TLN2: variants seen among roughly 807,000 people sequenced by gnomAD.
TLN2 encodes talin-2.
In TLN2, 118 loss-of-function variants were observed where a neutral mutation model predicts 294.7. The ratio of observed to expected loss-of-function variants is 0.40; its 90% CI spans 0.34 to 0.47. TLN2 has a LOEUF of 0.47. Among genes scored for constraint, TLN2 ranks in the 20% least tolerant of loss-of-function variants. The pLI is 0.84. For missense variants in TLN2, 3,083 were observed against 3,282.2 expected, an observed-to-expected ratio of 0.94 and a Z score of 1.48; for synonymous variants, 1,431 against 1,304.5, an observed-to-expected ratio of 1.10 and a Z score of -2.09.
intron 40 of TLN2, among the ~76,000 whole-genome samples, chr15:62,764,959 G>A (rs568292860): frequency 3.8e-4 from 50 of 132,018 alleles, no homozygotes; most frequent in African/African-American, 1.3e-3. Context: ...ACAACAGAGC[G>A]AGACTCCATC....
chr15:62,719,374 A>G (rs1274991265), intron 24 of TLN2, among the ~76,000 whole-genome samples: 2 of 152,114 alleles, frequency 1.3e-5, no homozygotes, highest in Admixed American at 6.5e-5. Flanking sequence ...TATTTCCCTC[A>G]CCTTCTGAAC....
Position 62,622,464 on chromosome 15 carries a change from A to T in TLN2, c.-37+3989A>T, listed in dbSNP as rs569733363. On this transcript the variant is annotated intron_variant, in intron 3 of 58. Transcript: ENST00000636159. ...AGTCCATTCTGTAGGGTGGAAACTG[A>T]TGTGTGATCTGTCCTGTTATGTATT... 4.5e-4 allele frequency among the ~76,000 whole-genome samples: 69 copies of T among 152,274 alleles called. 1 individual carries two copies. The South Asian group carries it at 7.9e-3, about 17-fold the overall frequency.
intron 9 of TLN2, among the ~76,000 whole-genome samples, chr15:62,672,256 C>G (rs2055521503): frequency 6.6e-6 from 1 of 152,124 alleles, no homozygotes; most frequent in African/African-American, 2.4e-5. Flanking sequence ...ATACTTGTTT[C>G]TTTCTCCTCA....
chr15:62,553,825 T>C (rs149989578), intron 1 of TLN2, among the ~76,000 whole-genome samples: 10 of 152,320 alleles, frequency 6.6e-5, no homozygotes, highest in Admixed American at 3.3e-4. Context: ...AAAATACTTA[T>C]TAAAATGCTT....
At chr15:62,694,219 C>T (rs1363911790) in intron 13 of TLN2, 97 bp from the exon 14 acceptor site, 28 of 1,041,152 alleles carry the variant, frequency 2.7e-5, no homozygotes, top group Non-Finnish European at 3.5e-5. Flanking sequence ...TCAAGTGATC[C>T]GCCCGTCTCA....
In TLN2 at chr15:62,697,679, T is replaced by A; in HGVS notation, c.1293-9T>A. 6.3e-7 allele frequency: 1 copy of A among 1,589,976 alleles called. No individual in the cohort carries two copies. Among genetic ancestry groups the A allele is most frequent in the Non-Finnish European group, 8.6e-7 (1 of 1,163,164 alleles). On this transcript the variant is annotated splice_polypyrimidine_tract_variant and intron_variant, in intron 14 of 58. Coordinates refer to ENST00000636159, the MANE Select transcript of TLN2 (RefSeq NM_015059.3). ...GTTCTCTCAGTGACCAAACCACTTT[T>A]CCCGGCAGGTCCACCATCTTGCAGC...
chr15:62,657,734 G>A (rs748564985), intron 8 of TLN2, 37 bp from the exon 9 acceptor site: 50 of 1,603,320 alleles, frequency 3.1e-5, no homozygotes, highest in African/African-American at 3.0e-4. Context: ...GTCACTCCCC[G>A]AAGCCTCTGA....
At chr15:62,537,891 C>T (rs753046744) in intron 1 of TLN2, among the ~76,000 whole-genome samples, 20 of 152,192 alleles carry the variant, frequency 1.3e-4, no homozygotes, top group Admixed American at 3.3e-4. Context: ...CCCATTCCCT[C>T]ATTCTGCCAC....
chr15:62,687,876 T>C (rs2057422129), intron 12 of TLN2: 1 of 152,222 alleles, frequency 6.6e-6, no homozygotes, highest in Non-Finnish European at 1.5e-5. Flanking sequence ...AAGATGAATG[T>C]TCATACTTAG....
intron 9 of TLN2, among the ~76,000 whole-genome samples, chr15:62,671,146 T>C (rs2055362335): frequency 6.6e-6 from 1 of 152,238 alleles, no homozygotes; most frequent in Admixed American, 6.5e-5. Context: ...CTTTTCATTA[T>C]CAGTTAAAGG....
At chr15:62,433,344 C>A (rs187711286) in intron 1 of TLN2, among the ~76,000 whole-genome samples, 3 of 152,220 alleles carry the variant, frequency 2.0e-5, no homozygotes. Context: ...TCCCTCTGGA[C>A]TAATCGATTC....
At chr15:62,814,698 A>T (rs914710634) in intron 52 of TLN2, among the ~76,000 whole-genome samples, 1 of 152,248 alleles carries the variant, frequency 6.6e-6, no homozygotes, top group African/African-American at 2.4e-5. Context: ...TATCATAAAC[A>T]TATAAAAAAT....
chr15:62,662,827 T>TTTG (rs1388382585), intron 9 of TLN2, among the ~76,000 whole-genome samples: 2 of 142,276 alleles, frequency 1.4e-5, no homozygotes, highest in Admixed American at 1.4e-4. Context: ...AGAGAGTTTT[T>TTTG]TTTTTTTTTT....
Position 62,697,560 on chromosome 15 carries a change from C to G in TLN2, c.1293-128C>G, listed in dbSNP as rs143424948. On this transcript the variant is annotated intron_variant, in intron 14 of 58. Transcript: ENST00000636159. ...CACTTCTTCATTCCTGCTTCTCAGT[C>G]TGTATGTGCCTCTTTTAGTTGGCCT... 377 of 959,842 alleles carry G rather than the reference C, an allele frequency of 3.9e-4. 1 individual carries two copies. In the East Asian group the frequency reaches 4.6e-3, roughly 12 times the overall value. The allele number at this position is 959,842 out of a possible 1,614,324, so 59.5% of individuals were successfully genotyped here.
chr15:62,463,222 AG>A (rs763105164), intron 1 of TLN2, among the ~76,000 whole-genome samples: 2 of 152,218 alleles, frequency 1.3e-5, no homozygotes, highest in Admixed American at 6.5e-5. Context: ...GCAAGGCTAC[AG>A]CCACCCACTG....
intron 32 of TLN2, among the ~76,000 whole-genome samples, chr15:62,745,250 G>T (rs909626993): frequency 6.6e-6 from 1 of 152,140 alleles, no homozygotes; most frequent in African/African-American, 2.4e-5. Flanking sequence ...CACTATCTCT[G>T]TAAGGTAGCA....
chr15:62,456,057 A>G (rs1485913395), intron 1 of TLN2, among the ~76,000 whole-genome samples: 1 of 151,416 alleles, frequency 6.6e-6, no homozygotes, highest in African/African-American at 2.4e-5. Context: ...GTGACAGAGT[A>G]AGACTCTTAA....
At chr15:62,391,192 A>G (rs748677210) in intron 1 of TLN2, among the ~76,000 whole-genome samples, 2 of 152,216 alleles carry the variant, frequency 1.3e-5, no homozygotes, top group Non-Finnish European at 2.9e-5. Context: ...CACTTTGCAA[A>G]CAAGTCTCCC....
chr15:62,549,202 T>C (rs2042153070), intron 1 of TLN2, among the ~76,000 whole-genome samples: 2 of 152,192 alleles, frequency 1.3e-5, no homozygotes, highest in South Asian at 2.1e-4. Flanking sequence ...CTGAGAGCCA[T>C]ACTCCAGTTA....
Sources: allele counts gnomAD v4.1 joint callset (sites outside exome capture counted in the v4.1 genomes callset), GRCh38; gene constraint gnomAD v4.1.1; transcripts MANE v1.5; gene names NCBI Gene and HGNC (gene_info 2026-07-23, HGNC 2026-07-21).